The following SHTN1 variants were observed in gnomAD, a reference collection of about 807,000 sequenced individuals.
The protein encoded by SHTN1 is shootin-1.
Under a neutral mutation model 83.1 loss-of-function variants are expected in SHTN1, and 42 were observed. The observed-to-expected ratio is 0.51, with a 90% CI of 0.39 to 0.65. SHTN1 has a LOEUF of 0.65. Ranked by LOEUF, SHTN1 falls within the 30% of genes least tolerant of loss-of-function variation. The pLI is 0.00. For missense variants in SHTN1, 622 were observed against 737.8 expected, an observed-to-expected ratio of 0.84 and a Z score of 1.82; for synonymous variants, 224 against 247.7, an observed-to-expected ratio of 0.90 and a Z score of 0.90.
chr10:117,051,999 C>CATATATATATATATCTATATAT (rs1852748719), intron 1 of SHTN1, among the ~76,000 whole-genome samples: 1 of 34,116 alleles, frequency 2.9e-5, no homozygotes, highest in South Asian at 5.9e-4. Context: ...ATGACATAAT[C>CATATATATATATATCTATATAT]ATATATATAT....
At chr10:116,907,232 G>A (rs926698743) in intron 14 of SHTN1, among the ~76,000 whole-genome samples, 2 of 152,142 alleles carry the variant, frequency 1.3e-5, no homozygotes, top group African/African-American at 4.8e-5. Flanking sequence ...CCGTGGCGTC[G>A]TAGCTGTCAA....
chr10:116,955,449 G>A (rs1849949725), intron 4 of SHTN1, among the ~76,000 whole-genome samples: 1 of 152,110 alleles, frequency 6.6e-6, no homozygotes, highest in Non-Finnish European at 1.5e-5. Flanking sequence ...CCCTTGACCA[G>A]GAAGACATGC....
intron 3 of SHTN1, among the ~76,000 whole-genome samples, chr10:116,964,790 C>A (rs937441959): frequency 7.2e-5 from 11 of 152,054 alleles, no homozygotes; most frequent in African/African-American, 2.7e-4. Flanking sequence ...CGAGACCAGC[C>A]CGGCCAACAT....
At chr10:117,074,390 G>C (rs1450826079) in intron 1 of SHTN1, among the ~76,000 whole-genome samples, 3 of 152,234 alleles carry the variant, frequency 2.0e-5, no homozygotes, top group African/African-American at 7.2e-5. Context: ...CAGAATTCAA[G>C]AGTCCTTCAG....
chr10:116,937,092 C>T (rs934406204), intron 9 of SHTN1, among the ~76,000 whole-genome samples: 23 of 149,796 alleles, frequency 1.5e-4, no homozygotes, highest in Admixed American at 1.2e-3. Flanking sequence ...TACAGCACAC[C>T]GATGGGTCTT....
intron 1 of SHTN1, among the ~76,000 whole-genome samples, chr10:116,985,820 T>C (rs1047112447): frequency 1.3e-5 from 2 of 152,204 alleles, no homozygotes; most frequent in African/African-American, 4.8e-5. Context: ...AAGATAGTGT[T>C]CAATTACAAC....
intron 2 of SHTN1, among the ~76,000 whole-genome samples, chr10:117,033,721 C>CAAAAA (rs34597044): frequency 6.6e-6 from 1 of 151,220 alleles, no homozygotes; most frequent in Non-Finnish European, 1.5e-5. Flanking sequence ...AAAGGCACAT[C>CAAAAA]AAAAAAAAGG....
At chr10:116,925,877 T>A (rs956197914) in intron 11 of SHTN1, among the ~76,000 whole-genome samples, 3 of 151,992 alleles carry the variant, frequency 2.0e-5, no homozygotes, top group African/African-American at 7.2e-5. Context: ...CTAACCATGA[T>A]TTACATCAGG....
chr10:117,077,692 T>C (rs1281613090), intron 1 of SHTN1, among the ~76,000 whole-genome samples: 2 of 152,100 alleles, frequency 1.3e-5, no homozygotes. Flanking sequence ...TGTGTTCTCA[T>C]TGTTCAATTC....
chr10:117,068,109 A>G (rs1243673273), intron 1 of SHTN1, among the ~76,000 whole-genome samples: 1 of 152,128 alleles, frequency 6.6e-6, no homozygotes, highest in Non-Finnish European at 1.5e-5. Flanking sequence ...AAGAGTCATC[A>G]GGCCAGGCAC....
chr10:116,945,373 C>T (rs1246072127), intron 7 of SHTN1, among the ~76,000 whole-genome samples: 1 of 152,092 alleles, frequency 6.6e-6, no homozygotes, highest in Non-Finnish European at 1.5e-5. Flanking sequence ...AATTGTAGTA[C>T]AAGAAATATT....
chr10:116,947,249 T>C (rs1849628299), intron 7 of SHTN1, among the ~76,000 whole-genome samples: 1 of 152,140 alleles, frequency 6.6e-6, no homozygotes, highest in Non-Finnish European at 1.5e-5. Context: ...ACGATACCAT[T>C]AGATATTAGG....
intron 2 of SHTN1, among the ~76,000 whole-genome samples, chr10:117,012,933 A>G (rs1195212110): frequency 6.6e-6 from 1 of 152,162 alleles, no homozygotes; most frequent in African/African-American, 2.4e-5. Flanking sequence ...AACTCCAACA[A>G]TAAGAGCCAA....
At chr10:117,103,786 T>C (rs1853635418) in intron 1 of SHTN1, among the ~76,000 whole-genome samples, 2 of 152,124 alleles carry the variant, frequency 1.3e-5, no homozygotes, top group South Asian at 4.1e-4. Flanking sequence ...TCCGCCCTCC[T>C]TGGCCTCCCA....
chr10:116,969,817 T>C (rs1306141915), intron 2 of SHTN1, among the ~76,000 whole-genome samples: 3 of 152,198 alleles, frequency 2.0e-5, no homozygotes, highest in Non-Finnish European at 2.9e-5. Flanking sequence ...TCAGTATATC[T>C]TGAATTTCAT....
rs1850736908 is a variant in SHTN1, at chr10:116,974,813, T to C, written c.111+4443A>G. Among the ~76,000 whole-genome samples the C allele has an allele frequency of 4.5e-5, 6 of 132,708 alleles. No homozygotes were observed. In the South Asian group the frequency reaches 1.4e-3, roughly 30 times the overall value. 87.1% of individuals were successfully genotyped at this position (132,708 alleles called of 152,430 possible). On this transcript the variant is annotated intron_variant, in intron 2 of 16. Coordinates refer to ENST00000355371, the MANE Select transcript of SHTN1 (RefSeq NM_001127211.3). ...ACATGAAAGCTATTCCATTCAAAGC[T>C]CAATGACGCTTTCCCCCCATATAGG...
intron 2 of SHTN1, among the ~76,000 whole-genome samples, chr10:117,016,390 T>C (rs1297815849): frequency 1.3e-5 from 2 of 152,180 alleles, no homozygotes; most frequent in African/African-American, 2.4e-5. Flanking sequence ...ATATGTACCA[T>C]GCTCAAATTA....
At chr10:116,989,932 G>A (rs1394093858) in intron 1 of SHTN1, among the ~76,000 whole-genome samples, 1 of 152,008 alleles carries the variant, frequency 6.6e-6, no homozygotes, top group Non-Finnish European at 1.5e-5. Context: ...TTTCATTTTG[G>A]CATAGTTGGC....
chr10:117,085,659 A>T (rs1034353966), intron 1 of SHTN1, among the ~76,000 whole-genome samples: 5 of 152,278 alleles, frequency 3.3e-5, no homozygotes, highest in East Asian at 1.9e-4. Context: ...GTTCAGTTCA[A>T]CTATGTCTTT....
Sources: allele counts gnomAD v4.1 joint callset (sites outside exome capture counted in the v4.1 genomes callset), GRCh38; gene constraint gnomAD v4.1.1; transcripts MANE v1.5; gene names NCBI Gene and HGNC (gene_info 2026-07-23, HGNC 2026-07-21).